L1TD1: variants seen among roughly 807,000 people sequenced by gnomAD.
L1TD1 encodes the protein LINE1 type transposase domain containing 1, also known as LINE-1 type transposase domain-containing protein 1.
L1TD1 carries 26 observed loss-of-function variants against 25.7 expected under a neutral mutation model. That is an observed-to-expected ratio of 1.01 (90% CI 0.74 to 1.40). The LOEUF is 1.40. Ranked by LOEUF, L1TD1 falls within the 40% of genes most tolerant of loss-of-function variation. L1TD1 has a pLI of 0.00. For missense variants in L1TD1, 1,130 were observed against 975.0 expected, an observed-to-expected ratio of 1.16 and a Z score of -2.12; for synonymous variants, 421 against 335.6, an observed-to-expected ratio of 1.25 and a Z score of -2.78.
rs1039459057 is a variant in L1TD1, at chr1:62,209,223, G to C, written c.1009-560G>C. 2.0e-5 allele frequency among the ~76,000 whole-genome samples: 3 copies of C among 151,218 alleles called. No individual in the cohort carries two copies. In the South Asian group the frequency reaches 6.2e-4, roughly 31 times the overall value. The stretch of plus-strand genomic sequence containing the variant: ...TGAATAGTTTTGAACTGAGCTTGTT[G>C]TATTCCTAACCAAAGCCTGCTTGTC... On this transcript the variant is annotated intron_variant, in intron 3 of 3. Transcript: ENST00000498273.
chr1:62,197,818 G>C (rs1354780334), intron 2 of L1TD1, among the ~76,000 whole-genome samples: 1 of 152,124 alleles, frequency 6.6e-6, no homozygotes, highest in Non-Finnish European at 1.5e-5. Flanking sequence ...GGGGGTTGCA[G>C]TGAGCTGAGA....
chr1:62,207,541 CA>C lies in L1TD1; in HGVS notation c.918del (p.Lys306AsnfsTer4). 1.3e-6 allele frequency: 2 copies of C among 1,550,610 alleles called. No individual in the cohort carries two copies. The highest frequency in any genetic ancestry group is 8.7e-7 in the Non-Finnish European group (1 of 1,146,666). ...GCAAAGCCTTAGAAAATTTGCCAGC[CA>C]AAAATCTTCTGTGAAAGAATTACTG... ...DLQSLRKFAS[Q>X]KSSVKELLKD... On this transcript the variant is annotated frameshift_variant, in exon 3 of 4. Transcript: ENST00000498273. LOFTEE classifies it high-confidence loss of function.
intron 2 of L1TD1, among the ~76,000 whole-genome samples, chr1:62,201,717 G>T (rs957125497): frequency 6.6e-6 from 1 of 152,064 alleles, no homozygotes; most frequent in African/African-American, 2.4e-5. Context: ...ACTAAATACA[G>T]TATTGTTACA....
In L1TD1 at chr1:62,206,920, A is replaced by G. The variant is rs143803041; in HGVS notation, c.292A>G (p.Ser98Gly). ...GGTAAAGAATTCAGAGAACTCCAGT[A>G]GTAGGACAGAGTTTCAGCAAATAAT... ...PEVKNSENSS[S>G]RTEFQQIINL... The change falls in exon 3 of 4, where the codon AGT becomes GGT. Residue 98 changes from serine to glycine, a missense_variant. By Grantham distance (56) the Ser-to-Gly change is moderately conservative. Coordinates refer to ENST00000498273, the MANE Select transcript of L1TD1 (RefSeq NM_019079.5). 5.0e-6 allele frequency: 8 copies of G among 1,613,786 alleles called. No homozygotes were observed. The highest frequency in any genetic ancestry group is 4.2e-6 in the Non-Finnish European group (5 of 1,179,926).
intron 2 of L1TD1, among the ~76,000 whole-genome samples, chr1:62,205,579 G>C (rs937954040): frequency 8.6e-5 from 13 of 150,588 alleles, no homozygotes; most frequent in African/African-American, 3.2e-4. Context: ...TTACAGGCAC[G>C]TGCCACCATA....
rs1169759217 is a variant in L1TD1, at chr1:62,205,437, A to ATTTTTTTTTTTTT, written c.-110-1081_-110-1080insTTTTTTTTTTTTT. On this transcript the variant is annotated intron_variant, in intron 2 of 3. Transcript: ENST00000498273. The stretch of plus-strand genomic sequence containing the variant: ...TCTCTCTATATATATATATATATAT[A>ATTTTTTTTTTTTT]TATATATTTTTTTTTAGACAGTCTT... 1.7e-3 allele frequency among the ~76,000 whole-genome samples: 70 copies of ATTTTTTTTTTTTT among 42,388 alleles called. 2 individuals carry two copies. The highest frequency in any genetic ancestry group is 2.0e-3 in the Non-Finnish European group (44 of 21,786). 27.8% of individuals were successfully genotyped at this position (42,388 alleles called of 152,430 possible).
At chr1:62,201,708 CTAAA>C (rs1487970737) in intron 2 of L1TD1, among the ~76,000 whole-genome samples, 5 of 152,094 alleles carry the variant, frequency 3.3e-5, no homozygotes, top group East Asian at 1.9e-4. Flanking sequence ...ACTTTCTTAA[CTAAA>C]TACAGTATTG....
chr1:62,208,103 T>C (rs1670787738), intron 3 of L1TD1: 1 of 154,126 alleles, frequency 6.5e-6, no homozygotes. Flanking sequence ...GTGAAGGTTT[T>C]ATTATGGGCA....
intron 2 of L1TD1, among the ~76,000 whole-genome samples, chr1:62,205,517 T>G (rs1670729325): frequency 6.8e-6 from 1 of 146,840 alleles, no homozygotes; most frequent in Admixed American, 6.9e-5. Context: ...CTGAAACCTC[T>G]GCCTCCCAGG....
chr1:62,203,481 C>A (rs1670680532), intron 2 of L1TD1, among the ~76,000 whole-genome samples: 1 of 152,044 alleles, frequency 6.6e-6, no homozygotes, highest in African/African-American at 2.4e-5. Flanking sequence ...GTGGCGTGAT[C>A]TTGGCTCACT....
Position 62,207,018 on chromosome 1 carries a change from T to A in L1TD1, c.390T>A (p.Asn130Lys), listed in dbSNP as rs1255447081. Residue 130 changes from asparagine to lysine, a missense_variant, in exon 3 of 4, where the codon AAT (asparagine) becomes AAA (lysine). Transcript: ENST00000498273. ...EGENSKIGDD[N>K]ENLTFKLEVN... ...AAAACTCTAAAATAGGTGATGATAA[T>A]GAAAATTTAACCTTTAAATTAGAAG... The A allele has an allele frequency of 6.2e-7, 1 of 1,613,302 alleles. No homozygotes were observed. Among genetic ancestry groups the A allele is most frequent in the South Asian group, 1.1e-5 (1 of 90,908 alleles).
At chr1:62,206,478 G>T (rs1034061554) in intron 2 of L1TD1, 41 bp from the exon 3 acceptor site, 7 of 742,702 alleles carry the variant, frequency 9.4e-6, no homozygotes, top group Middle Eastern at 4.4e-4. Context: ...TTTCTCAAGA[G>T]AATTCTTTAG....
At position 62,210,396 on chromosome 1, in the gene L1TD1, C is replaced by A; in HGVS notation, c.1622C>A (p.Pro541His). The A allele has an allele frequency of 1.2e-6, 2 of 1,614,034 alleles. No individual in the cohort carries two copies. The highest frequency in any genetic ancestry group is 1.7e-6 in the Non-Finnish European group (2 of 1,180,004). The change falls in exon 4 of 4, where the codon CCC becomes CAC. Residue 541 changes from proline to histidine, a missense_variant. Coordinates refer to ENST00000498273, the MANE Select transcript of L1TD1 (RefSeq NM_019079.5). ...CAGGAGGAAGAGGAAACAGCTGTGC[C>A]CACAAGTCAAGGAACTGGCACACCC... ...KTQEEEETAV[P>H]TSQGTGTPCL...
At chr1:62,198,689 G>A (rs1169873226) in intron 2 of L1TD1, among the ~76,000 whole-genome samples, 2 of 152,014 alleles carry the variant, frequency 1.3e-5, no homozygotes, top group Non-Finnish European at 2.9e-5. Flanking sequence ...AAGTTTATCC[G>A]CCCTCCCAAC....
chr1:62,207,637 G>T lies in L1TD1; in HGVS notation c.1008+1G>T. 6.5e-7 allele frequency: 1 copy of T among 1,527,672 alleles called. No homozygotes were observed. The highest frequency in any genetic ancestry group is 1.2e-5 in the South Asian group (1 of 80,096). 94.6% of individuals were successfully genotyped at this position (1,527,672 alleles called of 1,614,324 possible). A position where few individuals can be genotyped will look rare whatever the true frequency, so the allele number is the denominator to read the frequency against. On this transcript the variant is annotated splice_donor_variant, in intron 3 of 3. Transcript: ENST00000498273. LOFTEE classifies it high-confidence loss of function. ...AAAATATGGAATTCAAGAAAAAAGGGTAAGCATACAAATGTATAAATGTAT... is the reference window on the plus strand; with the variant it reads ...AAAATATGGAATTCAAGAAAAAAGGTTAAGCATACAAATGTATAAATGTAT...
rs1185845112 is a variant in L1TD1 at position 62,210,978 on chromosome 1, G to C, written c.2204G>C (p.Gly735Ala). 1 of 1,546,412 alleles carries C rather than the reference G, an allele frequency of 6.5e-7. No homozygotes were observed. The highest frequency in any genetic ancestry group is 2.4e-5 in the East Asian group (1 of 40,902). The stretch of plus-strand genomic sequence containing the variant: ...GAAAACTTTGCAGAACTAAAGAAAG[G>C]TTCAAGTCTTGAGATTGTCAGTGCT... ...IDENFAELKK[G>A]SSLEIVSACR... The change falls in exon 4 of 4, where the codon GGT becomes GCT. Residue 735 changes from glycine (G) to alanine (A), a missense_variant. Physicochemically the swap from Gly to Ala is moderately conservative, Grantham distance 60. Coordinates refer to ENST00000498273, the MANE Select transcript of L1TD1 (RefSeq NM_019079.5).
At chr1:62,207,742 C>CG (rs1570929640) in intron 3 of L1TD1, 106 bp downstream of exon 3, 23 of 1,333,578 alleles carry the variant, frequency 1.7e-5, no homozygotes, top group Non-Finnish European at 2.3e-5. Context: ...GATGGAGTTT[C>CG]GCTCTTGTCG....
At chr1:62,205,661 C>T (rs1445371795) in intron 2 of L1TD1, among the ~76,000 whole-genome samples, 2 of 151,124 alleles carry the variant, frequency 1.3e-5, no homozygotes, top group East Asian at 3.9e-4. Flanking sequence ...GAACTCCTGA[C>T]CTCAAATGAT....
Position 62,207,238 on chromosome 1 carries a change from G to A in L1TD1, c.610G>A (p.Glu204Lys), listed in dbSNP as rs1192005185. ...FTERESRKDG[E>K]DEFVKEMREE... ...AGAAAGAGAGAGTAGGAAGGATGGA[G>A]AGGATGAATTTGTCAAAGAAATGAG... The change falls in exon 3 of 4, where the codon GAG (glutamate) becomes AAG (lysine). Residue 204 changes from glutamate to lysine, a missense_variant. Coordinates refer to ENST00000498273, the MANE Select transcript of L1TD1 (RefSeq NM_019079.5). 4 of 1,551,444 alleles carry A rather than the reference G, an allele frequency of 2.6e-6. No individual in the cohort carries two copies. The highest frequency in any genetic ancestry group is 2.0e-5 in the Admixed American group (1 of 50,948).
Sources: gnomAD v4.1 joint callset for allele counts (sites outside exome capture counted in the v4.1 genomes callset) on GRCh38, gnomAD v4.1.1 for gene constraint, MANE v1.5 for transcripts, NCBI Gene and HGNC (gene_info 2026-07-23, HGNC 2026-07-21) for gene names.